The following KRCC1 variants were observed in gnomAD, a reference collection of about 807,000 sequenced individuals.
The protein encoded by KRCC1 is lysine-rich coiled-coil protein 1.
Under a neutral mutation model 7.4 loss-of-function variants are expected in KRCC1, and 3 were observed. That is an observed-to-expected ratio of 0.40 (90% CI 0.18 to 1.04). The LOEUF is 1.04. KRCC1 is among the 50% of genes least tolerant of loss of function. The pLI is 0.33. For missense variants in KRCC1, 277 were observed against 300.9 expected (o/e 0.92, Z 0.59); for synonymous variants, 102 against 101.6 (o/e 1.00, Z -0.02).
chr2:88,046,013 A>G (rs1673325743), intron 1 of KRCC1, among the ~76,000 whole-genome samples: 1 of 152,186 alleles, frequency 6.6e-6, no homozygotes, highest in African/African-American at 2.4e-5. Flanking sequence ...GGAGTTTATT[A>G]TAAGTAAAAT....
intron 2 of KRCC1, among the ~76,000 whole-genome samples, chr2:88,036,295 C>T (rs922921322): frequency 2.0e-5 from 3 of 152,098 alleles, no homozygotes; most frequent in Non-Finnish European, 4.4e-5. Flanking sequence ...TATTCTTTCT[C>T]CAGGATACTA....
intron 1 of KRCC1, among the ~76,000 whole-genome samples, chr2:88,043,427 C>A (rs1673254645): frequency 6.6e-6 from 1 of 152,132 alleles, no homozygotes; most frequent in African/African-American, 2.4e-5. Context: ...ATCTCAGAAA[C>A]CTCAGGGAAT....
intron 1 of KRCC1, among the ~76,000 whole-genome samples, chr2:88,045,724 C>T (rs973069555): frequency 2.6e-5 from 4 of 151,958 alleles, no homozygotes; most frequent in East Asian, 1.9e-4. Context: ...CACTCTGTCG[C>T]TCAGGCTGGA....
intron 1 of KRCC1, among the ~76,000 whole-genome samples, chr2:88,051,747 T>C (rs145610097): frequency 6.1e-4 from 93 of 152,370 alleles, no homozygotes; most frequent in African/African-American, 2.1e-3. Flanking sequence ...TCAGCCATTA[T>C]AGGTCAAAGT....
chr2:88,047,537 TTG>T (rs1295130004), intron 1 of KRCC1, among the ~76,000 whole-genome samples: 1 of 152,192 alleles, frequency 6.6e-6, no homozygotes, highest in Non-Finnish European at 1.5e-5. Flanking sequence ...CATAATAGGT[TTG>T]TGTTTTTTTG....
chr2:88,045,100 A>G (rs1236621778), intron 1 of KRCC1, among the ~76,000 whole-genome samples: 1 of 151,936 alleles, frequency 6.6e-6, no homozygotes, highest in Non-Finnish European at 1.5e-5. Context: ...CCTGGGCTCA[A>G]GCAATCTGGC....
intron 2 of KRCC1, 86 bp downstream of exon 2, chr2:88,036,857 T>C (rs1457743934): frequency 6.6e-6 from 1 of 152,228 alleles, no homozygotes; most frequent in East Asian, 1.9e-4. Flanking sequence ...TTTTCTTGTA[T>C]GGATTAAATA....
intron 1 of KRCC1, among the ~76,000 whole-genome samples, chr2:88,052,476 A>G (rs1673513223): frequency 6.6e-6 from 1 of 152,190 alleles, no homozygotes; most frequent in Non-Finnish European, 1.5e-5. Context: ...TGTGAAAGAT[A>G]AAAATTTCTT....
intron 1 of KRCC1, among the ~76,000 whole-genome samples, chr2:88,047,549 G>A (rs1673366054): frequency 6.6e-6 from 1 of 151,946 alleles, no homozygotes; most frequent in Non-Finnish European, 1.5e-5. Flanking sequence ...GTGTTTTTTT[G>A]AGACAGGGTC....
chr2:88,045,305 A>C (rs1673305415), intron 1 of KRCC1, among the ~76,000 whole-genome samples: 1 of 152,214 alleles, frequency 6.6e-6, no homozygotes, highest in Non-Finnish European at 1.5e-5. Flanking sequence ...TATTTGTAAC[A>C]GCCAAAACCT....
intron 1 of KRCC1, among the ~76,000 whole-genome samples, chr2:88,054,584 T>C (rs902403842): frequency 6.6e-6 from 1 of 152,144 alleles, no homozygotes; most frequent in South Asian, 2.1e-4. Context: ...GCTGGCCTAC[T>C]TGCGTTTTTA....
Position 88,027,763 on chromosome 2 carries a change from G to C in KRCC1, c.*21C>G. The C allele has an allele frequency of 4.5e-6, 7 of 1,549,348 alleles. No individual in the cohort carries two copies. The Middle Eastern group carries it at 6.9e-4, about 154-fold the overall frequency. ...CACCTATTTTTTCAATTTAACTTTG[G>C]GAGAACCAACTTTGAAAGCTTCAAA... On this transcript the variant is annotated 3_prime_UTR_variant, in exon 4 of 4. Coordinates refer to ENST00000347055, the MANE Select transcript of KRCC1 (RefSeq NM_016618.3).
intron 3 of KRCC1, among the ~76,000 whole-genome samples, chr2:88,031,160 T>C (rs2104604315): frequency 6.6e-6 from 1 of 152,214 alleles, no homozygotes; most frequent in South Asian, 2.1e-4. Flanking sequence ...TTCCAGAAGA[T>C]GGCACCATAG....
At chr2:88,040,672 T>C (rs956426896) in intron 1 of KRCC1, among the ~76,000 whole-genome samples, 1 of 152,248 alleles carries the variant, frequency 6.6e-6, no homozygotes, top group Admixed American at 6.5e-5. Flanking sequence ...ACATTACACA[T>C]AGCTGTTCCA....
chr2:88,050,316 TTC>T (rs1298124556), intron 1 of KRCC1, among the ~76,000 whole-genome samples: 2 of 152,338 alleles, frequency 1.3e-5, no homozygotes, highest in Middle Eastern at 3.4e-3. Flanking sequence ...TCAATTTTTT[TTC>T]TTTTTCTTAA....
At chr2:88,048,460 C>G (rs1673394712) in intron 1 of KRCC1, among the ~76,000 whole-genome samples, 1 of 152,104 alleles carries the variant, frequency 6.6e-6, no homozygotes, top group Admixed American at 6.5e-5. Context: ...TTTGATATAA[C>G]AGTAAATAGT....
chr2:88,028,254 A>C lies in KRCC1; in HGVS notation c.310T>G (p.Cys104Gly). Residue 104 changes from cysteine to glycine, a missense_variant, in exon 4 of 4, where the codon TGT becomes GGT. Coordinates refer to ENST00000347055, the MANE Select transcript of KRCC1 (RefSeq NM_016618.3). ...SRLRLDSLSY[C>G]QFTRDCFSEK... ...GAGAAACAGTCCCTCGTGAACTGACAGTAGCTCAGAGAGTCTAGTCTCAAT... is the reference window on the plus strand; with the variant it reads ...GAGAAACAGTCCCTCGTGAACTGACCGTAGCTCAGAGAGTCTAGTCTCAAT... The C allele has an allele frequency of 6.2e-7, 1 of 1,614,212 alleles. No individual in the cohort carries two copies. Among genetic ancestry groups the C allele is most frequent in the Non-Finnish European group, 8.5e-7 (1 of 1,180,032 alleles).
intron 2 of KRCC1, among the ~76,000 whole-genome samples, chr2:88,034,803 C>A (rs1003114293): frequency 1.5e-4 from 23 of 152,102 alleles, no homozygotes; most frequent in African/African-American, 5.3e-4. Context: ...CTTTCTCTGT[C>A]CCCACTCCCC....
chr2:88,045,147 G>A lies in KRCC1; in HGVS notation c.-290-8096C>T, dbSNP rs79953633. 9.5e-3 allele frequency among the ~76,000 whole-genome samples: 1,440 copies of A among 152,030 alleles called. 29 individuals are homozygous for A. The highest frequency in any genetic ancestry group is 0.033 in the African/African-American group (1,361 of 41,440). ...CCCAAAGTGCTGGGTTTACAGGTGT[G>A]AGCCACTGTAAAAAATTATCAGCCA... On this transcript the variant is annotated intron_variant, in intron 1 of 3. Transcript: ENST00000347055.
Sources: allele counts gnomAD v4.1 joint callset (sites outside exome capture counted in the v4.1 genomes callset), GRCh38; gene constraint gnomAD v4.1.1; transcripts MANE v1.5; gene names NCBI Gene and HGNC (gene_info 2026-07-23, HGNC 2026-07-21).